PHKA1: variants seen among roughly 807,000 people sequenced by gnomAD.
The protein encoded by PHKA1 is phosphorylase kinase regulatory subunit alpha 1, also known as phosphorylase b kinase regulatory subunit alpha, skeletal muscle isoform.
A neutral mutation model predicts 110.2 loss-of-function variants in PHKA1; 60 were observed. The ratio of observed to expected loss-of-function variants is 0.54; its 90% CI spans 0.44 to 0.68. The LOEUF (loss-of-function observed/expected upper bound fraction) is 0.68. PHKA1 is among the 30% of genes least tolerant of loss of function. The pLI, the probability that PHKA1 is intolerant of heterozygous loss-of-function variation, is 0.00. For synonymous variants in PHKA1, 316 were observed against 333.6 expected (o/e 0.95, Z 0.58); for missense variants, 801 against 942.5 (o/e 0.85, Z 1.97).
At chrX:72,619,163 A>T (rs367666576) in intron 20 of PHKA1, 51 bp downstream of exon 20, 1 of 751,277 alleles carries the variant, frequency 1.3e-6, no homozygotes, top group Non-Finnish European at 2.1e-6. Context: ...TTTCCCATAA[A>T]GATGGCAGTT....
intron 5 of PHKA1, among the ~76,000 whole-genome samples, chrX:72,680,629 G>T (rs2053837599): frequency 1.2e-5 from 1 of 80,622 alleles, no homozygotes; most frequent in African/African-American, 1.2e-4. Flanking sequence ...GGCCGCGGCT[G>T]GTGGTTGGCG....
chrX:72,671,784 A>T (rs1261122323), intron 6 of PHKA1, among the ~76,000 whole-genome samples: 2 of 110,751 alleles, frequency 1.8e-5, no homozygotes, highest in Non-Finnish European at 1.9e-5. Flanking sequence ...ATAATGCTGC[A>T]TATCTACAAC....
At chrX:72,691,457 T>G (rs782602622) in intron 4 of PHKA1, among the ~76,000 whole-genome samples, 101 of 112,375 alleles carry the variant, frequency 9.0e-4, no homozygotes, top group Middle Eastern at 4.6e-3. Flanking sequence ...TGATGTTAAA[T>G]CTGTAGATTA....
intron 16 of PHKA1, among the ~76,000 whole-genome samples, chrX:72,630,728 T>A (rs1480916629): frequency 1.8e-5 from 2 of 110,917 alleles, no homozygotes; most frequent in African/African-American, 6.5e-5. Context: ...TCTTTAATGT[T>A]CAAGAACTTT....
intron 6 of PHKA1, among the ~76,000 whole-genome samples, chrX:72,674,105 C>T (rs181145997): frequency 1.5e-4 from 16 of 109,235 alleles, no homozygotes; most frequent in Admixed American, 2.9e-4. Flanking sequence ...TGGTTTCCAG[C>T]TTCATCCATG....
At position 72,713,985 on chromosome X, in the gene PHKA1, C is replaced by T. The variant is rs1445319328; in HGVS notation, c.-105G>A. On this transcript the variant is annotated 5_prime_UTR_variant, in exon 1 of 32. Coordinates refer to ENST00000373542, the MANE Select transcript of PHKA1 (RefSeq NM_002637.4). ...ACGCTGCTCCACCCTCGTGGTGGGA[C>T]GCCTGAACACCAGGCCCCGCAGAGC... 6 of 614,348 alleles carry T rather than the reference C, an allele frequency of 9.8e-6. No individual in the cohort carries two copies. Among genetic ancestry groups the T allele is most frequent in the Middle Eastern group, 4.7e-4 (1 of 2,115 alleles). 50.6% of individuals were successfully genotyped at this position (614,348 alleles called of 1,213,427 possible).
chrX:72,647,594 C>T (rs2053376094), intron 13 of PHKA1, among the ~76,000 whole-genome samples: 1 of 111,230 alleles, frequency 9.0e-6, no homozygotes, highest in Non-Finnish European at 1.9e-5. Flanking sequence ...ACATAAAAGA[C>T]ATGGGCAAAT....
intron 11 of PHKA1, among the ~76,000 whole-genome samples, chrX:72,652,873 G>A (rs1556299614): frequency 9.0e-6 from 1 of 111,114 alleles, no homozygotes; most frequent in African/African-American, 3.3e-5. Context: ...TGATTGAGTG[G>A]GTATGAGGTA....
intron 15 of PHKA1, among the ~76,000 whole-genome samples, chrX:72,635,546 C>T (rs2053220440): frequency 9.0e-6 from 1 of 111,318 alleles, no homozygotes; most frequent in African/African-American, 3.3e-5. Flanking sequence ...AATCCTGTAA[C>T]CCCCCAGTGA....
intron 2 of PHKA1, among the ~76,000 whole-genome samples, chrX:72,711,730 G>A: frequency 9.0e-6 from 1 of 111,631 alleles, no homozygotes; most frequent in Non-Finnish European, 1.9e-5. Context: ...GGGACAGAGT[G>A]AGACTCCGTC....
At chrX:72,605,449 T>A in intron 24 of PHKA1, 49 bp from the exon 25 acceptor site, 1 of 1,185,895 alleles carries the variant, frequency 8.4e-7, no homozygotes, top group African/African-American at 1.7e-5. Flanking sequence ...GGTCTCACAA[T>A]GCCTATTTTG....
intron 8 of PHKA1, among the ~76,000 whole-genome samples, chrX:72,661,186 A>G (rs1556303822): frequency 8.9e-6 from 1 of 112,457 alleles, no homozygotes; most frequent in Non-Finnish European, 1.9e-5. Flanking sequence ...ACTTCATTAA[A>G]ATGAGATTGG....
intron 15 of PHKA1, 66 bp from the exon 16 acceptor site, chrX:72,635,365 C>G: frequency 9.9e-7 from 1 of 1,013,554 alleles, no homozygotes; most frequent in Non-Finnish European, 1.4e-6. Context: ...ATATTTTAAA[C>G]TACTCATATA....
At chrX:72,690,768 T>C (rs983202320) in intron 4 of PHKA1, among the ~76,000 whole-genome samples, 1 of 111,949 alleles carries the variant, frequency 8.9e-6, no homozygotes, top group African/African-American at 3.2e-5. Flanking sequence ...TTTAATTTCT[T>C]TTTTTGTTTG....
chrX:72,587,757 A>AGC (rs1216737473), intron 29 of PHKA1, among the ~76,000 whole-genome samples: 5 of 111,436 alleles, frequency 4.5e-5, no homozygotes, highest in African/African-American at 1.3e-4. Context: ...GCAAATGGAA[A>AGC]GCAAAAAAAA....
chrX:72,664,919 A>G (rs1285673714), intron 8 of PHKA1, among the ~76,000 whole-genome samples: 1 of 111,503 alleles, frequency 9.0e-6, no homozygotes, highest in Non-Finnish European at 1.9e-5. Context: ...CAGCAAAAGC[A>G]GTACTAAGAA....
At chrX:72,650,600 T>C (rs1017539100) in intron 12 of PHKA1, 132 bp from the exon 13 acceptor site, 2 of 520,325 alleles carry the variant, frequency 3.8e-6, no homozygotes, top group Admixed American at 6.4e-5. Flanking sequence ...AGGAAACAAA[T>C]GCCTTCACTG....
chrX:72,599,742 A>G, intron 28 of PHKA1: 1 of 457,173 alleles, frequency 2.2e-6, no homozygotes, highest in East Asian at 3.8e-5. Flanking sequence ...ATCAACCAGT[A>G]TATGTCATGA....
intron 14 of PHKA1, among the ~76,000 whole-genome samples, chrX:72,637,848 T>C (rs1473989531): frequency 8.9e-6 from 1 of 112,062 alleles, no homozygotes; most frequent in African/African-American, 3.2e-5. Context: ...TTAACAATAT[T>C]ATGTCTTCTA....
Sources: gnomAD v4.1 joint callset for allele counts (sites outside exome capture counted in the v4.1 genomes callset) on GRCh38, gnomAD v4.1.1 for gene constraint, MANE v1.5 for transcripts, NCBI Gene and HGNC (gene_info 2026-07-23, HGNC 2026-07-21) for gene names.